FHDC1: variants seen among roughly 807,000 people sequenced by gnomAD.
FHDC1 encodes the protein FH2 domain containing 1.
Under a neutral mutation model 52.6 loss-of-function variants are expected in FHDC1, and 25 were observed. The ratio of observed to expected loss-of-function variants is 0.48; its 90% CI spans 0.35 to 0.66. The LOEUF (loss-of-function observed/expected upper bound fraction) is 0.66, where lower values mean the gene tolerates loss of function less well. FHDC1 is among the 30% of genes least tolerant of loss of function. The pLI is 0.01. For synonymous variants in FHDC1, 616 were observed against 581.5 expected (o/e 1.06, Z -0.85); for missense variants, 1,459 against 1,452.8 (o/e 1.00, Z -0.07).
At chr4:152,924,615 G>A in the FHDC1 span, among the ~76,000 whole-genome samples, 1 of 152,116 alleles carries the variant, frequency 6.6e-6, no homozygotes, top group African/African-American at 2.4e-5. Flanking sequence ...CAACCCAAAT[G>A]TCCAACAGTG....
intron 4 of FHDC1, 25 bp from the exon 5 acceptor site, chr4:152,960,540 C>G: frequency 1.3e-6 from 2 of 1,555,616 alleles, no homozygotes; most frequent in Non-Finnish European, 1.8e-6. Flanking sequence ...ATTTTATATA[C>G]CCCCCCTTTC....
chr4:152,963,175 C>G (rs1213897819), intron 8 of FHDC1, 45 bp downstream of exon 8: 1 of 1,533,508 alleles, frequency 6.5e-7, no homozygotes, highest in South Asian at 1.1e-5. Context: ...ATGAATACCC[C>G]TTGGAGGCAG....
chr4:152,976,847 T>A lies in FHDC1; in HGVS notation c.*124T>A. 1 of 1,285,768 alleles carries A rather than the reference T, an allele frequency of 7.8e-7. No homozygotes were observed. The highest frequency in any genetic ancestry group is 1.0e-6 in the Non-Finnish European group (1 of 965,612). The allele number at this position is 1,285,768 out of a possible 1,614,324, so 79.6% of individuals were successfully genotyped here. On this transcript the variant is annotated 3_prime_UTR_variant, in exon 12 of 12. Coordinates refer to ENST00000511601, the MANE Select transcript of FHDC1 (RefSeq NM_001371116.1). ...AAGCAGCCACTGGTGCCACTGCTAG[T>A]GACGCTGTTGGGATGGCACAGTCCA...
intron 8 of FHDC1, among the ~76,000 whole-genome samples, chr4:152,963,465 T>C (rs1023621906): frequency 1.3e-5 from 2 of 152,196 alleles, no homozygotes. Context: ...ACTGGATCTC[T>C]TTTGTTTTTG....
intron 2 of FHDC1, 22 bp from the exon 3 acceptor site, chr4:152,953,477 G>T (rs755412476): frequency 2.7e-5 from 43 of 1,594,210 alleles, no homozygotes; most frequent in Middle Eastern, 1.8e-4. Context: ...GTAATCCTAT[G>T]TGTCCTTATT....
intron 10 of FHDC1, among the ~76,000 whole-genome samples, chr4:152,969,281 ATAT>A (rs1326529773): frequency 6.6e-6 from 1 of 152,136 alleles, no homozygotes. Flanking sequence ...CTCCTTCAAA[ATAT>A]TATGGCCTTC....
chr4:152,922,742 A>G, the FHDC1 span, among the ~76,000 whole-genome samples: 3 of 152,042 alleles, frequency 2.0e-5, no homozygotes, highest in African/African-American at 2.4e-5. Context: ...TATAAACAGA[A>G]CCAAAGACAA....
Position 152,972,502 on chromosome 4 carries a change from A to T in FHDC1, c.1344A>T (p.Ile448=), listed in dbSNP as rs1377529705. 1 of 1,612,040 alleles carries T rather than the reference A, an allele frequency of 6.2e-7. No homozygotes were observed. The highest frequency in any genetic ancestry group is 8.5e-7 in the Non-Finnish European group (1 of 1,179,606). The change falls in exon 11 of 12, where the codon ATA becomes ATT. Residue 448 remains isoleucine, a synonymous_variant. Coordinates refer to ENST00000511601, the MANE Select transcript of FHDC1 (RefSeq NM_001371116.1). The part of the protein sequence containing the change: ...KTMKLDECFQ[I]FRDFCTKFNK... ...TGAAACTGGATGAATGCTTTCAGAT[A>T]TTTAGAGATTTCTGTACCAAATTCA...
At chr4:152,960,508 T>A (rs1740246240) in intron 4 of FHDC1, 57 bp from the exon 5 acceptor site, 12 of 1,341,682 alleles carry the variant, frequency 8.9e-6, no homozygotes, top group Non-Finnish European at 1.3e-5. Flanking sequence ...ATTTAAATAA[T>A]CTTAAATTGT....
intron 11 of FHDC1, among the ~76,000 whole-genome samples, chr4:152,974,068 C>G (rs1347911691): frequency 6.6e-6 from 1 of 152,214 alleles, no homozygotes; most frequent in Non-Finnish European, 1.5e-5. Context: ...AGTCAGGGAA[C>G]AGAGCTGAAC....
chr4:152,921,581 CCTT>C, the FHDC1 span, among the ~76,000 whole-genome samples: 6 of 141,570 alleles, frequency 4.2e-5, no homozygotes, highest in Admixed American at 2.1e-4. Flanking sequence ...TTCCTTCCTT[CCTT>C]CCTCCCTCCC....
rs949284275 is a variant in FHDC1 at position 152,978,140 on chromosome 4, A to G, written c.*1417A>G. ...CTAGAAGTGCCATATTTTAGTGGAA[A>G]GGCATCAGGGCTGTTTGACAGTGTG... is the stretch of plus-strand genomic sequence containing the variant. On this transcript the variant is annotated 3_prime_UTR_variant, in exon 12 of 12. Transcript: ENST00000511601. The G allele has an allele frequency of 2.0e-5, 3 of 152,218 alleles. No homozygotes were observed. The highest frequency in any genetic ancestry group is 4.4e-5 in the Non-Finnish European group (3 of 68,050). 9.4% of individuals were successfully genotyped at this position (152,218 alleles called of 1,614,324 possible). A position where few individuals can be genotyped will look rare whatever the true frequency, so the allele number is the denominator to read the frequency against.
chr4:152,955,229 A>G (rs909602945), intron 4 of FHDC1, among the ~76,000 whole-genome samples: 20 of 152,200 alleles, frequency 1.3e-4, no homozygotes, highest in African/African-American at 4.8e-4. Context: ...TGTGATAGTA[A>G]TACATACTAC....
At chr4:152,917,296 T>G in the FHDC1 span, among the ~76,000 whole-genome samples, 1 of 152,318 alleles carries the variant, frequency 6.6e-6, no homozygotes, top group Admixed American at 6.5e-5. Context: ...GCTTAGAGCT[T>G]TATTTACTAT....
At chr4:152,929,655 G>A in the FHDC1 span, among the ~76,000 whole-genome samples, 1 of 152,140 alleles carries the variant, frequency 6.6e-6, no homozygotes, top group Non-Finnish European at 1.5e-5. This position sits in a 1 kb window ranked among gnomAD's most constrained non-coding sequence, Gnocchi z 4.1. Context: ...CCCGTGCAGT[G>A]GAGCTGCTGA....
intron 10 of FHDC1, among the ~76,000 whole-genome samples, chr4:152,968,923 T>C (rs1248683555): frequency 1.3e-5 from 2 of 152,114 alleles, no homozygotes; most frequent in African/African-American, 2.4e-5. Context: ...GCAGAACACA[T>C]GAGAGCTGTG....
chr4:152,975,809 A>G lies in FHDC1; in HGVS notation c.2518A>G (p.Ser840Gly). Residue 840 changes from serine to glycine, a missense_variant, in exon 12 of 12, where the codon AGT (serine) becomes GGT (glycine). Ser to Gly is a moderately conservative substitution (Grantham distance 56). Transcript: ENST00000511601. ...GEAPAPVSVDSEPSCKGGLPR... is the reference protein window; with the variant it reads ...GEAPAPVSVDGEPSCKGGLPR... ...GGCTCCTGCCCCCGTCTCTGTGGAT[A>G]GTGAGCCCAGCTGCAAGGGCGGCCT... 2.6e-6 allele frequency: 4 copies of G among 1,526,460 alleles called. No homozygotes were observed. Among genetic ancestry groups the G allele is most frequent in the Non-Finnish European group, 3.5e-6 (4 of 1,138,346 alleles). 94.6% of individuals were successfully genotyped at this position (1,526,460 alleles called of 1,614,324 possible).
At chr4:152,969,459 G>A (rs576435383) in intron 10 of FHDC1, among the ~76,000 whole-genome samples, 18 of 152,190 alleles carry the variant, frequency 1.2e-4, no homozygotes, top group African/African-American at 3.6e-4. Context: ...AAACAAATCC[G>A]GAAAATCAAG....
At chr4:152,928,977 GA>G in the FHDC1 span, among the ~76,000 whole-genome samples, 7 of 150,166 alleles carry the variant, frequency 4.7e-5, no homozygotes, top group South Asian at 6.3e-4. Context: ...AAATTTTAGA[GA>G]AAAAAAAAGA....
Sources: gnomAD v4.1 joint callset for allele counts (sites outside exome capture counted in the v4.1 genomes callset) on GRCh38, gnomAD v4.1.1 for gene constraint, Gnocchi (gnomAD v3.1) non-coding constraint, MANE v1.5 for transcripts, NCBI Gene and HGNC (gene_info 2026-07-23, HGNC 2026-07-21) for gene names.